The following CDHR3 variants were observed in gnomAD, a reference collection of about 807,000 sequenced individuals.
CDHR3 encodes cadherin related family member 3.
Under a neutral mutation model 86.6 loss-of-function variants are expected in CDHR3, and 79 were observed. The observed-to-expected ratio is 0.91, with a 90% CI of 0.76 to 1.10. The LOEUF (loss-of-function observed/expected upper bound fraction) is 1.10. Ranked by LOEUF, CDHR3 falls within the 50% of genes least tolerant of loss-of-function variation. The pLI is 0.00. For synonymous variants in CDHR3, 421 were observed against 402.4 expected (o/e 1.05, Z -0.55); for missense variants, 1,081 against 1,077.6 (o/e 1.00, Z -0.04).
Position 106,022,418 on chromosome 7 carries a change from C to A in CDHR3, c.2046C>A (p.His682Gln). 2 of 1,613,996 alleles carry A rather than the reference C, an allele frequency of 1.2e-6. No homozygotes were observed. The highest frequency in any genetic ancestry group is 1.7e-6 in the Non-Finnish European group (2 of 1,179,872). Residue 682 changes from histidine (H) to glutamine (Q), a missense_variant, in exon 14 of 19, where the codon CAC becomes CAA. Physicochemically the swap from His to Gln is conservative, Grantham distance 24. Coordinates refer to ENST00000317716, the MANE Select transcript of CDHR3 (RefSeq NM_152750.5). Reference protein sequence around the residue: ...TVTLSIKVIPHPTTIITTTPR... With the variant: ...TVTLSIKVIPQPTTIITTTPR... ...CACTGAGTATTAAAGTCATTCCCCA[C>A]CCAACCACTATCATCACCACGACCC...
intron 1 of CDHR3, among the ~76,000 whole-genome samples, chr7:105,964,050 G>A (rs1271656751): frequency 6.6e-6 from 1 of 152,138 alleles, no homozygotes; most frequent in Non-Finnish European, 1.5e-5. Context: ...GACAAGTTAT[G>A]TAGTAAAATA....
intron 4 of CDHR3, among the ~76,000 whole-genome samples, chr7:105,993,926 G>C (rs1341194313): frequency 6.6e-6 from 1 of 152,118 alleles, no homozygotes; most frequent in Non-Finnish European, 1.5e-5. Flanking sequence ...AAGAGAGCTG[G>C]GCTGGAAGCC....
intron 13 of CDHR3, 114 bp from the exon 14 acceptor site, chr7:106,022,084 A>G (rs2115885775): frequency 1.5e-6 from 2 of 1,300,908 alleles, no homozygotes; most frequent in East Asian, 4.6e-5. Context: ...GACACAGTCT[A>G]CACTTGAGGT....
At chr7:105,983,497 C>T (rs959981872) in intron 3 of CDHR3, among the ~76,000 whole-genome samples, 1 of 152,132 alleles carries the variant, frequency 6.6e-6, no homozygotes, top group Non-Finnish European at 1.5e-5. Context: ...ATGTTAAGTC[C>T]TCAGCACGGT....
chr7:106,010,021 A>G (rs1367976936), intron 8 of CDHR3, among the ~76,000 whole-genome samples: 3 of 152,216 alleles, frequency 2.0e-5, no homozygotes, highest in Non-Finnish European at 4.4e-5. Flanking sequence ...ACCAACTGTC[A>G]GGGACGAATG....
chr7:106,011,241 G>T (rs1354622152), intron 8 of CDHR3, among the ~76,000 whole-genome samples: 18 of 152,162 alleles, frequency 1.2e-4, no homozygotes. Context: ...ATGTGATTTT[G>T]CTATTAGCTC....
intron 3 of CDHR3, among the ~76,000 whole-genome samples, chr7:105,981,836 T>G (rs1829785617): frequency 6.6e-6 from 1 of 151,278 alleles, no homozygotes; most frequent in Non-Finnish European, 1.5e-5. Flanking sequence ...TAGCAGTAAC[T>G]CCATCCTTCC....
rs1838195443 is a variant in CDHR3 at position 106,030,700 on chromosome 7, T to C, written c.2305-92T>C. 2 of 1,217,308 alleles carry C rather than the reference T, an allele frequency of 1.6e-6. No individual in the cohort carries two copies. The highest frequency in any genetic ancestry group is 2.4e-6 in the Non-Finnish European group (2 of 844,162). 75.4% of individuals were successfully genotyped at this position (1,217,308 alleles called of 1,614,324 possible). A position where few individuals can be genotyped will look rare whatever the true frequency, so the allele number is the denominator to read the frequency against. On this transcript the variant is annotated intron_variant, in intron 17 of 18. Coordinates refer to ENST00000317716, the MANE Select transcript of CDHR3 (RefSeq NM_152750.5). The surrounding 1 kb of genome is among the most constrained non-coding windows in gnomAD (Gnocchi z 4.8). ...AAAGACTTAGAAGTCAAGAAGGCTT[T>C]GGTTAAGGAACTTGGGTTGTGAGGA...
At chr7:106,021,550 C>A (rs1366115974) in intron 13 of CDHR3, among the ~76,000 whole-genome samples, 1 of 152,240 alleles carries the variant, frequency 6.6e-6, no homozygotes, top group Non-Finnish European at 1.5e-5. Context: ...CGGGCATGTG[C>A]TTGGGCTGGC....
At chr7:106,025,014 T>C (rs1837150177) in intron 15 of CDHR3, among the ~76,000 whole-genome samples, 2 of 152,230 alleles carry the variant, frequency 1.3e-5, no homozygotes, top group Non-Finnish European at 2.9e-5. Flanking sequence ...GGTTTTTGTG[T>C]GACCAAATAA....
chr7:106,018,846 C>G (rs1324124369), intron 12 of CDHR3, among the ~76,000 whole-genome samples: 1 of 152,058 alleles, frequency 6.6e-6, no homozygotes, highest in Non-Finnish European at 1.5e-5. Flanking sequence ...GCTTCCCAAC[C>G]TTTGAGGCTG....
Position 106,028,589 on chromosome 7 carries a change from A to G in CDHR3, c.2304+7A>G. 3 of 1,613,884 alleles carry G rather than the reference A, an allele frequency of 1.9e-6. No homozygotes were observed. The highest frequency in any genetic ancestry group is 2.2e-5 in the East Asian group (1 of 44,878). ...AGAGAGAGACGTCGTGGTGGTGAGT[A>G]TGGGCAGTGTGGGGCACCAGGCATA... is the stretch of plus-strand genomic sequence containing the variant. On this transcript the variant is annotated splice_region_variant and intron_variant, in intron 17 of 18. Coordinates refer to ENST00000317716, the MANE Select transcript of CDHR3 (RefSeq NM_152750.5).
chr7:106,023,187 G>A (rs973822821), intron 14 of CDHR3, among the ~76,000 whole-genome samples: 2 of 152,170 alleles, frequency 1.3e-5, no homozygotes, highest in African/African-American at 4.8e-5. Context: ...GACCTCCAGG[G>A]AAGGATGCTG....
chr7:105,980,471 G>A (rs1401192131), intron 2 of CDHR3, among the ~76,000 whole-genome samples: 3 of 151,556 alleles, frequency 2.0e-5, no homozygotes, highest in South Asian at 2.1e-4. Flanking sequence ...TGTGCACAAC[G>A]TGCAGGTTTG....
Position 105,974,988 on chromosome 7 carries a change from A to C in CDHR3, c.191A>C (p.Asn64Thr). Residue 64 changes from asparagine to threonine, a missense_variant, in exon 2 of 19, where the codon AAC becomes ACC. Coordinates refer to ENST00000317716, the MANE Select transcript of CDHR3 (RefSeq NM_152750.5). ...ATCCCAGGATTTCCCCAGATAGTCA[A>C]CTCAAATCCCCTCACTGAAGCTTTT... The part of the protein sequence containing the change: ...PVIPGFPQIV[N>T]SNPLTEAFRV... The C allele has an allele frequency of 6.2e-7, 1 of 1,613,902 alleles. No individual in the cohort carries two copies. The highest frequency in any genetic ancestry group is 8.5e-7 in the Non-Finnish European group (1 of 1,179,820).
chr7:105,974,807 T>C (rs1828543350), intron 1 of CDHR3, 37 bp from the exon 2 acceptor site: 9 of 1,557,980 alleles, frequency 5.8e-6, no homozygotes, highest in Non-Finnish European at 8.0e-6. Flanking sequence ...CAAAAGGCTT[T>C]GTGTTCATGT....
At chr7:105,994,925 C>G in intron 5 of CDHR3, 80 bp downstream of exon 5, 1 of 1,156,726 alleles carries the variant, frequency 8.6e-7, no homozygotes, top group Non-Finnish European at 1.3e-6. Context: ...CACAGTGCAA[C>G]CTGAGGGCAG....
At chr7:105,984,416 AAC>A (rs1394088046) in intron 4 of CDHR3, 127 bp downstream of exon 4, 11 of 573,478 alleles carry the variant, frequency 1.9e-5, no homozygotes, top group African/African-American at 5.6e-5. Context: ...TCCACTTCCA[AAC>A]ACAGTGTATG....
chr7:105,987,708 C>A (rs567394294), intron 4 of CDHR3, among the ~76,000 whole-genome samples: 4 of 152,212 alleles, frequency 2.6e-5, no homozygotes, highest in African/African-American at 9.6e-5. Flanking sequence ...TATAAAGCCC[C>A]CAGGGAATCT....
Sources: gnomAD v4.1 joint callset for allele counts (sites outside exome capture counted in the v4.1 genomes callset) on GRCh38, gnomAD v4.1.1 for gene constraint, Gnocchi (gnomAD v3.1) non-coding constraint, MANE v1.5 for transcripts, NCBI Gene and HGNC (gene_info 2026-07-23, HGNC 2026-07-21) for gene names.